MIER1: variants seen among roughly 807,000 people sequenced by gnomAD.
MIER1 encodes the protein MIER1 transcriptional regulator.
MIER1 carries 40 observed loss-of-function variants against 75.7 expected under a neutral mutation model. The ratio of observed to expected loss-of-function variants is 0.53; its 90% CI spans 0.41 to 0.69. MIER1 has a LOEUF of 0.69. Among genes scored for constraint, MIER1 ranks in the 30% least tolerant of loss-of-function variants. MIER1 has a pLI of 0.00. For synonymous variants in MIER1, 213 were observed against 223.4 expected (o/e 0.95, Z 0.42); for missense variants, 574 against 680.2 (o/e 0.84, Z 1.74).
chr1:66,983,808 A>G (rs886313532), intron 13 of MIER1, among the ~76,000 whole-genome samples: 2 of 152,110 alleles, frequency 1.3e-5, no homozygotes, highest in South Asian at 4.2e-4. Context: ...GCTCACTGCA[A>G]CCTCCGCCTC....
chr1:66,940,039 ATCT>A lies in MIER1; in HGVS notation c.183_185del (p.Ser63del). ...TCTCCCCTTCTCAGCCATCTGTTGA[ATCT>A]TCAAGTCCAGGTAAGTATTTTCCAT... On this transcript the variant is annotated inframe_deletion, in exon 3 of 14. Transcript: ENST00000401041. 6.2e-7 allele frequency: 1 copy of A among 1,605,846 alleles called. No individual in the cohort carries two copies. The highest frequency in any genetic ancestry group is 1.1e-5 in the South Asian group (1 of 90,704).
chr1:66,933,989 A>C (rs748419281), intron 2 of MIER1, among the ~76,000 whole-genome samples: 1 of 152,208 alleles, frequency 6.6e-6, no homozygotes, highest in African/African-American at 2.4e-5. Flanking sequence ...CATTGCAGTG[A>C]TTAAATTGTT....
Position 66,984,733 on chromosome 1 carries a change from G to C in MIER1, c.1531G>C (p.Ala511Pro). 1.9e-6 allele frequency: 3 copies of C among 1,613,932 alleles called. No individual in the cohort carries two copies. Among genetic ancestry groups the C allele is most frequent in the Non-Finnish European group, 1.7e-6 (2 of 1,179,920 alleles). Residue 511 changes from alanine (A) to proline (P), a missense_variant, in exon 14 of 14, where the codon GCC becomes CCC. By Grantham distance (27) the Ala-to-Pro change is conservative (BLOSUM62 -1). Transcript: ENST00000401041. ...TDNLTTDPKL[A>P]HMTARNENDF... ...TAACCTTACCACTGACCCAAAACTT[G>C]CCCATATGACTGCAAGAAATGAAAA...
At chr1:66,936,550 C>T (rs1032366369) in intron 2 of MIER1, among the ~76,000 whole-genome samples, 8 of 151,782 alleles carry the variant, frequency 5.3e-5, no homozygotes, top group Non-Finnish European at 1.2e-4. Flanking sequence ...GTTTTTCTCT[C>T]TCCTTTCTAG....
Position 66,981,867 on chromosome 1 carries a change from A to G in MIER1, c.1318A>G (p.Asn440Asp). ...TCCCCCAACTGCATCAAACAGTAGT[A>G]ACAGCCAGTCTGAGAAAGAAGATGG... ...SPPPTASNSS[N>D]SQSEKEDGTV... Residue 440 changes from asparagine (N) to aspartate (D), a missense_variant, in exon 13 of 14, where the codon AAC becomes GAC. Physicochemically the swap from Asn to Asp is conservative, Grantham distance 23 (BLOSUM62 1). This residue lies in a region of MIER1 where 164 missense variants were observed against 154.3 expected (regional missense o/e 1.06). Coordinates refer to ENST00000401041, the MANE Select transcript of MIER1 (RefSeq NM_001077700.3). 6.2e-7 allele frequency: 1 copy of G among 1,614,116 alleles called. No individual in the cohort carries two copies. The highest frequency in any genetic ancestry group is 8.5e-7 in the Non-Finnish European group (1 of 1,179,936).
At chr1:66,935,395 GTCTT>G (rs914368126) in intron 2 of MIER1, among the ~76,000 whole-genome samples, 58 of 152,244 alleles carry the variant, frequency 3.8e-4, no homozygotes, top group African/African-American at 1.4e-3. Flanking sequence ...TCTGTGTACA[GTCTT>G]TCTGTCTCTC....
In MIER1 at chr1:66,939,979, G is replaced by T. The variant is rs371457048; in HGVS notation, c.169-49G>T. 81 of 1,451,444 alleles carry T rather than the reference G, an allele frequency of 5.6e-5. No individual in the cohort carries two copies. The African/African-American group carries it at 9.7e-4, about 17-fold the overall frequency. 89.9% of individuals were successfully genotyped at this position (1,451,444 alleles called of 1,614,324 possible). The stretch of plus-strand genomic sequence containing the variant: ...GAATAATTTCGGTAATGTTTGTGAA[G>T]ATACATTATACAGAAATACTAATTT... On this transcript the variant is annotated intron_variant, in intron 2 of 13. Transcript: ENST00000401041.
chr1:66,945,084 C>T (rs570670390), intron 3 of MIER1, among the ~76,000 whole-genome samples: 293 of 152,168 alleles, frequency 1.9e-3, no homozygotes, highest in Non-Finnish European at 3.2e-3. Context: ...GCAGCTGTGT[C>T]TTCACTAGAC....
intron 8 of MIER1, among the ~76,000 whole-genome samples, chr1:66,970,312 GGAATTAAGCAGTGT>G (rs1663343744): frequency 6.6e-6 from 1 of 152,084 alleles, no homozygotes; most frequent in African/African-American, 2.4e-5. Context: ...CCCACCACCA[GGAATTAAGCAGTGT>G]TAACATTTGG....
intron 1 of MIER1, 56 bp downstream of exon 1, chr1:66,925,151 G>A (rs1348530029): frequency 2.6e-6 from 4 of 1,532,044 alleles, no homozygotes; most frequent in African/African-American, 1.4e-5. Flanking sequence ...TGGGATGAGG[G>A]GCTCCTGAGG....
At position 66,985,382 on chromosome 1, in the gene MIER1, T is replaced by G; in HGVS notation, c.*482T>G. On this transcript the variant is annotated 3_prime_UTR_variant, in exon 14 of 14. Transcript: ENST00000401041. ...AACAGACATTTTTCTCACCAAACAG[T>G]TTGAGTATCTTTATTAAGGAAACCC... The G allele has an allele frequency of 1.0e-6, 1 of 984,266 alleles. No individual in the cohort carries two copies. Among genetic ancestry groups the G allele is most frequent in the Non-Finnish European group, 1.2e-6 (1 of 828,776 alleles). 61.0% of individuals were successfully genotyped at this position (984,266 alleles called of 1,614,324 possible). A position where few individuals can be genotyped will look rare whatever the true frequency, so the allele number is the denominator to read the frequency against.
At position 66,984,574 on chromosome 1, in the gene MIER1, G is replaced by A. The variant is rs1666514225; in HGVS notation, c.1372G>A (p.Val458Met). ...GTVSTANQNGVSSNGPGEILN... is the reference protein window; with the variant it reads ...GTVSTANQNGMSSNGPGEILN... ...CATTTATATTTCTTTCAACTTAGGA[G>A]TGTCATCTAATGGACCAGGTGAAAT... Residue 458 changes from valine to methionine, a missense_variant and splice_region_variant, in exon 14 of 14, where the codon GTG (valine) becomes ATG (methionine). This residue lies in a region of MIER1 where 164 missense variants were observed against 154.3 expected (regional missense o/e 1.06). Transcript: ENST00000401041. 1 of 1,578,388 alleles carries A rather than the reference G, an allele frequency of 6.3e-7. No homozygotes were observed. The highest frequency in any genetic ancestry group is 8.6e-7 in the Non-Finnish European group (1 of 1,165,334).
At chr1:66,934,897 C>T (rs747690900) in intron 2 of MIER1, among the ~76,000 whole-genome samples, 1 of 152,162 alleles carries the variant, frequency 6.6e-6, no homozygotes, top group Non-Finnish European at 1.5e-5. Context: ...AAAGTAGGAC[C>T]CCTCTTTCCA....
intron 11 of MIER1, among the ~76,000 whole-genome samples, chr1:66,973,634 C>A (rs769370814): frequency 6.6e-6 from 1 of 151,826 alleles, no homozygotes; most frequent in Non-Finnish European, 1.5e-5. Context: ...ATTCTTATAA[C>A]TGAAATTAGG....
intron 12 of MIER1, among the ~76,000 whole-genome samples, chr1:66,980,615 T>C (rs1665690634): frequency 6.6e-6 from 1 of 152,232 alleles, no homozygotes. Context: ...GCTCACAAAA[T>C]TCTAAGAGAT....
intron 3 of MIER1, 47 bp from the exon 4 acceptor site, chr1:66,946,103 A>T (rs780816089): frequency 6.5e-7 from 1 of 1,540,638 alleles, no homozygotes; most frequent in South Asian, 1.3e-5. Flanking sequence ...TATTAATAAG[A>T]TCCACTTAAT....
At chr1:66,942,655 T>C (rs1029362457) in intron 3 of MIER1, among the ~76,000 whole-genome samples, 1 of 151,936 alleles carries the variant, frequency 6.6e-6, no homozygotes, top group African/African-American at 2.4e-5. Flanking sequence ...AAGAATAAGA[T>C]GGTTAGTTTG....
intron 12 of MIER1, among the ~76,000 whole-genome samples, chr1:66,979,280 G>T (rs41356950): frequency 0.11 from 17,425 of 152,174 alleles, 2,412 homozygotes; most frequent in African/African-American, 0.34. Flanking sequence ...TGCACTTTAA[G>T]TGACTTCATA....
intron 3 of MIER1, among the ~76,000 whole-genome samples, chr1:66,945,855 GAAA>G (rs1047180525): frequency 6.6e-6 from 1 of 151,616 alleles, no homozygotes; most frequent in Non-Finnish European, 1.5e-5. Context: ...AGAAGAAGAA[GAAA>G]AAAAAGAATT....
Sources: allele counts gnomAD v4.1 joint callset (sites outside exome capture counted in the v4.1 genomes callset), GRCh38; gene constraint gnomAD v4.1.1; regional missense constraint gnomAD v4.1.1; transcripts MANE v1.5; gene names NCBI Gene and HGNC (gene_info 2026-07-23, HGNC 2026-07-21).